Variants in PEAK1 observed in about 807,000 individuals in gnomAD.
PEAK1 encodes inactive tyrosine-protein kinase PEAK1.
A neutral mutation model predicts 124.7 loss-of-function variants in PEAK1; 54 were observed. The observed-to-expected ratio is 0.43, with a 90% CI of 0.35 to 0.54. PEAK1 has a LOEUF of 0.54. Ranked by LOEUF, PEAK1 falls within the 20% of genes least tolerant of loss-of-function variation. The pLI, the probability that PEAK1 is intolerant of heterozygous loss-of-function variation, is 0.01. For missense variants in PEAK1, 2,046 were observed against 2,134.5 expected (o/e 0.96, Z 0.82); for synonymous variants, 719 against 760.0 (o/e 0.95, Z 0.89).
chr15:77,222,077 A>T (rs2059416613), intron 6 of PEAK1, among the ~76,000 whole-genome samples: 1 of 152,050 alleles, frequency 6.6e-6, no homozygotes, highest in African/African-American at 2.4e-5. Flanking sequence ...AAAGTTGAGG[A>T]TCTAAAATTT....
chr15:77,323,017 A>C (rs1442863252), intron 2 of PEAK1, among the ~76,000 whole-genome samples: 3 of 152,188 alleles, frequency 2.0e-5, no homozygotes, highest in Non-Finnish European at 2.9e-5. Flanking sequence ...ATATAAACAG[A>C]ACCAAAGACA....
intron 6 of PEAK1, among the ~76,000 whole-genome samples, chr15:77,226,242 A>C (rs1001285435): frequency 4.6e-4 from 68 of 146,616 alleles, no homozygotes; most frequent in Middle Eastern, 3.6e-3. Flanking sequence ...AAAAAAAAAA[A>C]CCCTGTCTTT....
chr15:77,120,443 G>T (rs1208860773), intron 9 of PEAK1, among the ~76,000 whole-genome samples: 2 of 152,118 alleles, frequency 1.3e-5, no homozygotes, highest in Non-Finnish European at 2.9e-5. Context: ...TCCCTCTCTT[G>T]ATGAATGGCT....
chr15:77,352,692 T>A (rs1597403282), intron 2 of PEAK1: 2 of 952,966 alleles, frequency 2.1e-6, no homozygotes, highest in Non-Finnish European at 2.5e-6. Flanking sequence ...CTGAAATTTT[T>A]AAAAATTTAA....
intron 8 of PEAK1, among the ~76,000 whole-genome samples, chr15:77,149,701 T>G (rs1596355648): frequency 6.6e-6 from 1 of 152,234 alleles, no homozygotes; most frequent in South Asian, 2.1e-4. Context: ...CAGAGTCAAG[T>G]ATATAGACAC....
intron 6 of PEAK1, among the ~76,000 whole-genome samples, chr15:77,188,409 C>T (rs2057657826): frequency 6.6e-6 from 1 of 152,160 alleles, no homozygotes; most frequent in African/African-American, 2.4e-5. Context: ...TAAATTCAAA[C>T]TCTTTGACGA....
intron 7 of PEAK1, among the ~76,000 whole-genome samples, chr15:77,162,740 C>T (rs1205413643): frequency 6.6e-6 from 1 of 152,012 alleles, no homozygotes; most frequent in Non-Finnish European, 1.5e-5. Flanking sequence ...ATTTTCTGAA[C>T]AAACTTGATG....
intron 1 of PEAK1, chr15:77,404,944 G>T (rs2071684070): frequency 5.7e-6 from 1 of 176,122 alleles, no homozygotes; most frequent in Non-Finnish European, 1.1e-5. Context: ...CCACTTTACT[G>T]CATTCATTAT....
At position 77,179,828 on chromosome 15, in the gene PEAK1, C is replaced by A. The variant is rs1199682464; in HGVS notation, c.2099G>T (p.Gly700Val). 1.9e-6 allele frequency: 3 copies of A among 1,614,074 alleles called. No homozygotes were observed. The South Asian group carries it at 3.3e-5, about 18-fold the overall frequency. The part of the protein sequence containing the change: ...GFSNSTEHKR[G>V]SVAQKVQEFN... Reference sequence around the variant, plus strand: ...CTCTTGAACCTTCTGAGCCACTGAGCCCCTTTTATGCTCTGTGCTGTTTGA... The same window carrying A: ...CTCTTGAACCTTCTGAGCCACTGAGACCCTTTTATGCTCTGTGCTGTTTGA... The change falls in exon 7 of 10, where the codon GGC (glycine) becomes GTC (valine). Residue 700 changes from glycine (G) to valine (V), a missense_variant. Gly to Val is a moderately radical substitution (Grantham distance 109). Coordinates refer to ENST00000682557, the MANE Select transcript of PEAK1 (RefSeq NM_001385026.1).
intron 2 of PEAK1, among the ~76,000 whole-genome samples, chr15:77,289,058 A>G (rs1437898907): frequency 1.3e-5 from 2 of 152,220 alleles, no homozygotes; most frequent in Admixed American, 1.3e-4. Context: ...TAACAAATAC[A>G]GCTATCCCTA....
At position 77,419,702 on chromosome 15, in the gene PEAK1, T is replaced by C. The variant is rs2073211353; in HGVS notation, c.-666+304A>G. 6 of 980,092 alleles carry C rather than the reference T, an allele frequency of 6.1e-6. No individual in the cohort carries two copies. The South Asian group carries it at 2.4e-4, about 39-fold the overall frequency. The allele number at this position is 980,092 out of a possible 1,614,324, so 60.7% of individuals were successfully genotyped here. A position where few individuals can be genotyped will look rare whatever the true frequency, so the allele number is the denominator to read the frequency against. ...CCTCGCGGCAGGTCCCAACTTTCCT[T>C]CCTCTGGGGGGCGTCGCGCTCCCGG... is the stretch of plus-strand genomic sequence containing the variant. On this transcript the variant is annotated intron_variant, in intron 1 of 9. Coordinates refer to ENST00000682557, the MANE Select transcript of PEAK1 (RefSeq NM_001385026.1).
At chr15:77,208,727 T>A (rs2058774155) in intron 6 of PEAK1, among the ~76,000 whole-genome samples, 1 of 152,158 alleles carries the variant, frequency 6.6e-6, no homozygotes, top group Admixed American at 6.6e-5. Flanking sequence ...AATGATGGGT[T>A]ATAAAACAGC....
At chr15:77,166,153 A>C (rs1468836012) in intron 7 of PEAK1, among the ~76,000 whole-genome samples, 1 of 152,228 alleles carries the variant, frequency 6.6e-6, no homozygotes, top group Non-Finnish European at 1.5e-5. Flanking sequence ...ATTTCCAAAA[A>C]AATTTTCCTT....
At chr15:77,253,780 T>C (rs1007982677) in intron 5 of PEAK1, among the ~76,000 whole-genome samples, 1 of 152,164 alleles carries the variant, frequency 6.6e-6, no homozygotes, top group Non-Finnish European at 1.5e-5. Context: ...TTAATGCTTC[T>C]TTTGTTTTCT....
At chr15:77,353,188 T>C (rs1369372178) in intron 2 of PEAK1, among the ~76,000 whole-genome samples, 1 of 152,206 alleles carries the variant, frequency 6.6e-6, no homozygotes, top group African/African-American at 2.4e-5. Flanking sequence ...CGATCGTGTA[T>C]GCTAAACAAG....
intron 2 of PEAK1, among the ~76,000 whole-genome samples, chr15:77,304,536 C>T (rs1354612002): frequency 2.0e-5 from 3 of 147,462 alleles, no homozygotes; most frequent in Non-Finnish European, 4.5e-5. Context: ...GCAAGCTCTG[C>T]CTCCTGGGTT....
intron 6 of PEAK1, among the ~76,000 whole-genome samples, chr15:77,250,251 A>T (rs1384425992): frequency 4.2e-5 from 3 of 72,202 alleles, no homozygotes; most frequent in South Asian, 3.4e-4. Context: ...ATATATATAT[A>T]TATATATTTT....
chr15:77,350,705 T>TA, intron 2 of PEAK1: 1 of 985,202 alleles, frequency 1.0e-6, no homozygotes, highest in Non-Finnish European at 1.2e-6. Flanking sequence ...GCCATAGCTC[T>TA]AAACAAGCCA....
At chr15:77,388,019 A>G (rs1399497267) in intron 1 of PEAK1, among the ~76,000 whole-genome samples, 1 of 152,074 alleles carries the variant, frequency 6.6e-6, no homozygotes, top group African/African-American at 2.4e-5. Flanking sequence ...TATACTTAGC[A>G]TGTTCTAAGT....
Sources: allele counts gnomAD v4.1 joint callset (sites outside exome capture counted in the v4.1 genomes callset), GRCh38; gene constraint gnomAD v4.1.1; transcripts MANE v1.5; gene names NCBI Gene and HGNC (gene_info 2026-07-23, HGNC 2026-07-21).